The following RAB6A variants were observed in gnomAD, a reference collection of about 807,000 sequenced individuals.
RAB6A encodes RAB6A, member RAS oncogene family, also known as ras-related protein Rab-6A.
Under a neutral mutation model 32.3 loss-of-function variants are expected in RAB6A, and 8 were observed. The observed-to-expected ratio is 0.25, with a 90% CI of 0.15 to 0.45. RAB6A has a LOEUF of 0.45. Ranked by LOEUF, RAB6A falls within the 20% of genes least tolerant of loss-of-function variation. RAB6A has a pLI of 1.00. For missense variants in RAB6A, 104 were observed against 249.4 expected (o/e 0.42, Z 3.93); for synonymous variants, 73 against 82.1 (o/e 0.89, Z 0.60).
chr11:73,730,253 T>C (rs968999589), intron 2 of RAB6A: 3 of 152,784 alleles, frequency 2.0e-5, no homozygotes, highest in African/African-American at 7.2e-5. Flanking sequence ...ACTGCTTTAG[T>C]TGTATACCAT....
At chr11:73,753,257 G>C (rs1409694818) in intron 1 of RAB6A, among the ~76,000 whole-genome samples, 1 of 152,034 alleles carries the variant, frequency 6.6e-6, no homozygotes, top group Non-Finnish European at 1.5e-5. Flanking sequence ...AGACTAACCT[G>C]GCCAACATGG....
rs1181517103 is a variant in RAB6A at position 73,677,517 on chromosome 11, GGA to G, written c.*379_*380del. ...GGTAAGTGAGAGGTGAGAAAAGCAAGGAGAGATAAAGTAGGCTGTGAACATAC... is the reference window on the plus strand; with the variant it reads ...GGTAAGTGAGAGGTGAGAAAAGCAAGGAGATAAAGTAGGCTGTGAACATAC... On this transcript the variant is annotated 3_prime_UTR_variant, in exon 8 of 8. Coordinates refer to ENST00000336083, the MANE Select transcript of RAB6A (RefSeq NM_198896.2). 3 of 396,764 alleles carry G rather than the reference GGA, an allele frequency of 7.6e-6. No homozygotes were observed. Among genetic ancestry groups the G allele is most frequent in the African/African-American group, 2.1e-5 (1 of 47,780 alleles). The allele number at this position is 396,764 out of a possible 1,614,324, so 24.6% of individuals were successfully genotyped here.
intron 1 of RAB6A, among the ~76,000 whole-genome samples, chr11:73,746,590 A>C (rs1483107996): frequency 1.3e-5 from 2 of 152,022 alleles, no homozygotes; most frequent in Non-Finnish European, 2.9e-5. Flanking sequence ...GAAACACAGC[A>C]AGACCTCATC....
chr11:73,760,465 C>T, intron 1 of RAB6A, 101 bp downstream of exon 1: 1 of 1,438,120 alleles, frequency 7.0e-7, no homozygotes, highest in Non-Finnish European at 9.3e-7. Context: ...CGAGCGCGGA[C>T]GCGAGGCGGG....
At chr11:73,696,097 T>TAC (rs1305400405) in intron 6 of RAB6A, among the ~76,000 whole-genome samples, 1 of 152,164 alleles carries the variant, frequency 6.6e-6, no homozygotes, top group Non-Finnish European at 1.5e-5. Flanking sequence ...TTTACCAACT[T>TAC]ACAGAAAAAA....
intron 6 of RAB6A, among the ~76,000 whole-genome samples, chr11:73,704,914 T>C (rs1470720652): frequency 4.0e-5 from 6 of 151,718 alleles, no homozygotes; most frequent in East Asian, 3.9e-4. Flanking sequence ...GAGAATGGCG[T>C]GAACCTGGGA....
intron 1 of RAB6A, among the ~76,000 whole-genome samples, chr11:73,756,154 A>G (rs370287682): frequency 1.8e-4 from 28 of 151,928 alleles, no homozygotes; most frequent in African/African-American, 6.5e-4. Flanking sequence ...AAACTTTGAG[A>G]CCAGCCTGGG....
chr11:73,704,011 A>G (rs1370002071), intron 6 of RAB6A, among the ~76,000 whole-genome samples: 2 of 151,488 alleles, frequency 1.3e-5, no homozygotes, highest in African/African-American at 4.9e-5. Context: ...CCTGGGCAAC[A>G]GAGGGAGACT....
intron 6 of RAB6A, among the ~76,000 whole-genome samples, chr11:73,693,702 A>G (rs1347886661): frequency 6.6e-6 from 1 of 152,012 alleles, no homozygotes; most frequent in Non-Finnish European, 1.5e-5. Flanking sequence ...CTAGTAACAT[A>G]GTGAGACCTC....
rs374803619 is a variant in RAB6A at position 73,677,473 on chromosome 11, T to G, written c.*425A>C. 2.3e-5 allele frequency: 6 copies of G among 263,544 alleles called. No individual in the cohort carries two copies. The South Asian group carries it at 6.2e-4, about 27-fold the overall frequency. 16.3% of individuals were successfully genotyped at this position (263,544 alleles called of 1,614,324 possible). ...GAAGTCGGGGGAGGCTAGGTAAGAATAGGGTAATAGGGAATGGGGGTAAGT... is the reference window on the plus strand; with the variant it reads ...GAAGTCGGGGGAGGCTAGGTAAGAAGAGGGTAATAGGGAATGGGGGTAAGT... On this transcript the variant is annotated 3_prime_UTR_variant, in exon 8 of 8. Transcript: ENST00000336083.
chr11:73,692,231 G>A lies in RAB6A; in HGVS notation c.496-12511C>T, dbSNP rs9783369. On this transcript the variant is annotated intron_variant, in intron 6 of 7. Coordinates refer to ENST00000336083, the MANE Select transcript of RAB6A (RefSeq NM_198896.2). ...GCAAAAAAAGAAATCAAGGCCGGGC[G>A]CAGTGGCTCACGCCTGTAATCCCAG... is the stretch of plus-strand genomic sequence containing the variant. Among the ~76,000 whole-genome samples, 839 of 151,758 alleles carry A rather than the reference G, an allele frequency of 5.5e-3. 6 individuals are homozygous for A. The highest frequency in any genetic ancestry group is 0.017 in the African/African-American group (713 of 41,390).
At chr11:73,739,474 AT>A (rs1946461290) in intron 1 of RAB6A, among the ~76,000 whole-genome samples, 1 of 148,388 alleles carries the variant, frequency 6.7e-6, no homozygotes, top group Non-Finnish European at 1.5e-5. Context: ...ACTCAGCCTG[AT>A]TTTTTATTTT....
At chr11:73,739,284 AATATATAT>A (rs1555066941) in intron 1 of RAB6A, among the ~76,000 whole-genome samples, 2 of 6,762 alleles carry the variant, frequency 3.0e-4, no homozygotes, top group African/African-American at 6.5e-4. Flanking sequence ...AAAAAAAAAA[AATATATAT>A]ATATATATAT....
rs539653272 is a variant in RAB6A at position 73,748,813 on chromosome 11, C to T, written c.70+11753G>A. ...CCTCCTTCATCCCCCCAAAATTCTACCAAAGCTAACTTTAAAAAATTATGG... is the reference window on the plus strand; with the variant it reads ...CCTCCTTCATCCCCCCAAAATTCTATCAAAGCTAACTTTAAAAAATTATGG... On this transcript the variant is annotated intron_variant, in intron 1 of 7. Coordinates refer to ENST00000336083, the MANE Select transcript of RAB6A (RefSeq NM_198896.2). Among the ~76,000 whole-genome samples, 3 of 152,194 alleles carry T rather than the reference C, an allele frequency of 2.0e-5. No individual in the cohort carries two copies. In the South Asian group the frequency reaches 6.2e-4, roughly 32 times the overall value.
intron 1 of RAB6A, among the ~76,000 whole-genome samples, chr11:73,733,289 C>A (rs1354273517): frequency 6.6e-6 from 1 of 152,164 alleles, no homozygotes; most frequent in Non-Finnish European, 1.5e-5. Flanking sequence ...TGGCTCACAG[C>A]TGTAATCCCA....
intron 5 of RAB6A, among the ~76,000 whole-genome samples, chr11:73,714,209 A>AAAAATAT (rs35864471): frequency 2.4e-4 from 14 of 57,572 alleles, no homozygotes; most frequent in Middle Eastern, 8.3e-3. Context: ...AAAAAAAAAA[A>AAAAATAT]ATATATATAT....
At chr11:73,694,407 A>AT (rs1387279010) in intron 6 of RAB6A, among the ~76,000 whole-genome samples, 1 of 152,222 alleles carries the variant, frequency 6.6e-6, no homozygotes, top group African/African-American at 2.4e-5. Flanking sequence ...CAAAGCTCGT[A>AT]TTTTTTATAA....
chr11:73,754,495 C>T (rs1164168422), intron 1 of RAB6A, among the ~76,000 whole-genome samples: 1 of 152,188 alleles, frequency 6.6e-6, no homozygotes, highest in African/African-American at 2.4e-5. Context: ...GGATTGAATG[C>T]ATAAGCAGCT....
chr11:73,690,298 T>A (rs1945529980), intron 6 of RAB6A, among the ~76,000 whole-genome samples: 2 of 152,226 alleles, frequency 1.3e-5, no homozygotes, highest in Non-Finnish European at 2.9e-5. Flanking sequence ...TAGCTGACAC[T>A]CATCCTTCAG....
Sources: allele counts gnomAD v4.1 joint callset (sites outside exome capture counted in the v4.1 genomes callset), GRCh38; gene constraint gnomAD v4.1.1; transcripts MANE v1.5; gene names NCBI Gene and HGNC (gene_info 2026-07-23, HGNC 2026-07-21).